TRAK1: variants seen among roughly 807,000 people sequenced by gnomAD.
The protein encoded by TRAK1 is trafficking kinesin protein 1, also known as trafficking kinesin-binding protein 1.
A neutral mutation model predicts 92.1 loss-of-function variants in TRAK1; 33 were observed. That is an observed-to-expected ratio of 0.36 (90% confidence interval 0.27 to 0.48). The LOEUF (loss-of-function observed/expected upper bound fraction) is 0.48, where lower values mean the gene tolerates loss of function less well. TRAK1 is among the 20% of genes least tolerant of loss of function. TRAK1 has a pLI of 0.99. For synonymous variants in TRAK1, 521 were observed against 517.3 expected, an observed-to-expected ratio of 1.01 and a Z score of -0.10; for missense variants, 1,123 against 1,257.9, an observed-to-expected ratio of 0.89 and a Z score of 1.62.
At chr3:42,019,300 GAT>G (rs1047546636) in intron 1 of TRAK1, among the ~76,000 whole-genome samples, 2 of 152,118 alleles carry the variant, frequency 1.3e-5, no homozygotes, top group African/African-American at 4.8e-5. Context: ...TTTTTTTAGA[GAT>G]AGAATCTCTG....
intron 1 of TRAK1, among the ~76,000 whole-genome samples, chr3:42,061,154 T>C (rs1272562474): frequency 3.3e-5 from 5 of 152,168 alleles, no homozygotes; most frequent in African/African-American, 1.2e-4. Flanking sequence ...TTACAAAAAG[T>C]GTGCAGAGTT....
At chr3:42,156,580 C>T (rs763387143) in intron 2 of TRAK1, among the ~76,000 whole-genome samples, 43 of 152,196 alleles carry the variant, frequency 2.8e-4, no homozygotes, top group Non-Finnish European at 5.1e-4. Flanking sequence ...AAATGAATGA[C>T]TAAATAACGG....
At chr3:42,204,930 C>T (rs1407652526) in intron 13 of TRAK1, among the ~76,000 whole-genome samples, 1 of 152,148 alleles carries the variant, frequency 6.6e-6, no homozygotes, top group African/African-American at 2.4e-5. Context: ...CCCTCCCCTC[C>T]ACAGTTATTT....
intron 7 of TRAK1, 56 bp downstream of exon 7, chr3:42,191,692 C>T: frequency 6.5e-7 from 1 of 1,541,196 alleles, no homozygotes; most frequent in South Asian, 1.2e-5. Context: ...CATGATTAGA[C>T]AGATTTGCGT....
chr3:42,118,952 T>G (rs1228172032), intron 1 of TRAK1, among the ~76,000 whole-genome samples: 18 of 152,158 alleles, frequency 1.2e-4, no homozygotes, highest in Non-Finnish European at 1.5e-5. Flanking sequence ...TGACACTAGA[T>G]GGCTCCACCT....
At chr3:42,217,077 TTA>T (rs1709786878) in intron 14 of TRAK1, among the ~76,000 whole-genome samples, 1 of 151,914 alleles carries the variant, frequency 6.6e-6, no homozygotes, top group East Asian at 1.9e-4. Flanking sequence ...GAAGGATGTT[TTA>T]TGTTTCTCTC....
intron 1 of TRAK1, among the ~76,000 whole-genome samples, chr3:42,121,473 A>G (rs551729024): frequency 2.6e-5 from 4 of 151,840 alleles, no homozygotes; most frequent in Admixed American, 6.6e-5. Flanking sequence ...GTTAGCCAGG[A>G]TGGTCTCGAT....
At chr3:42,159,721 A>AT (rs1194729418) in intron 2 of TRAK1, among the ~76,000 whole-genome samples, 4 of 152,114 alleles carry the variant, frequency 2.6e-5, no homozygotes, top group East Asian at 1.9e-4. Flanking sequence ...TGGTCACTGC[A>AT]TTTTTTTCCC....
In TRAK1 at chr3:42,200,821, C is replaced by A; in HGVS notation, c.1194C>A (p.His398Gln). The A allele has an allele frequency of 6.2e-7, 1 of 1,614,120 alleles. No homozygotes were observed. The highest frequency in any genetic ancestry group is 1.1e-5 in the South Asian group (1 of 91,074). The change falls in exon 12 of 16, where the codon CAC becomes CAA. Residue 398 changes from histidine to glutamine, a missense_variant. Around this residue, in one of 3 missense-constraint regions of TRAK1, gnomAD observed 686 missense variants for 747.6 expected, o/e 0.92. Transcript: ENST00000327628. ...LEEAESPDIT[H>Q]QKRVFETVRN... ...GGATGCCGTGCATTCTCCCTAGTCA[C>A]CAGAAGCGTGTCTTTGAGACAGTAA... is the stretch of plus-strand genomic sequence containing the variant.
intron 2 of TRAK1, among the ~76,000 whole-genome samples, chr3:42,149,986 G>A (rs1415619919): frequency 1.3e-5 from 2 of 152,148 alleles, no homozygotes; most frequent in African/African-American, 2.4e-5. Flanking sequence ...TAGGAAACTG[G>A]GGGCTTGGAA....
At chr3:42,064,177 G>A (rs866945890) in intron 1 of TRAK1, among the ~76,000 whole-genome samples, 9 of 152,166 alleles carry the variant, frequency 5.9e-5, no homozygotes, top group African/African-American at 1.7e-4. Flanking sequence ...GCGAATGCTC[G>A]CAGCCAGGCG....
intron 1 of TRAK1, among the ~76,000 whole-genome samples, chr3:42,069,005 G>A (rs1268289708): frequency 6.6e-6 from 1 of 152,142 alleles, no homozygotes; most frequent in East Asian, 1.9e-4. Flanking sequence ...TTGTGTCTGT[G>A]TAGTCATGGT....
Position 42,184,700 on chromosome 3 carries a change from G to C in TRAK1, c.379G>C (p.Glu127Gln). 6.2e-7 allele frequency: 1 copy of C among 1,614,144 alleles called. No individual in the cohort carries two copies. Among genetic ancestry groups the C allele is most frequent in the East Asian group, 2.2e-5 (1 of 44,884 alleles). The change falls in exon 4 of 16, where the codon GAA becomes CAA. Residue 127 changes from glutamate (E) to glutamine (Q), a missense_variant. This residue lies in a region of TRAK1 where 686 missense variants were observed against 747.6 expected (regional missense o/e 0.92). Coordinates refer to ENST00000327628, the MANE Select transcript of TRAK1 (RefSeq NM_001042646.3). ...CCTTTTGTAGAAAGAGCGGGATTTAGAATTGGCCGCTCGCATCGGCCAGTC... is the reference window on the plus strand; with the variant it reads ...CCTTTTGTAGAAAGAGCGGGATTTACAATTGGCCGCTCGCATCGGCCAGTC... Reference protein sequence around the residue: ...RLLEEKERDLELAARIGQSLL... With the variant: ...RLLEEKERDLQLAARIGQSLL...
At chr3:42,220,751 A>T (rs1710268665) in intron 15 of TRAK1, among the ~76,000 whole-genome samples, 1 of 152,104 alleles carries the variant, frequency 6.6e-6, no homozygotes, top group South Asian at 2.1e-4. Context: ...TAACCCAGCT[A>T]AACACCCCCA....
rs1227650636 is a variant in TRAK1, at chr3:42,188,153, A to G, written c.581+8A>G. On this transcript the variant is annotated splice_region_variant and intron_variant, in intron 5 of 15. Coordinates refer to ENST00000327628, the MANE Select transcript of TRAK1 (RefSeq NM_001042646.3). ...GTCCGTTTGCTCAACCCCGTAAGTC[A>G]CCAGAGGGCTGTATTTCTGGAGGCC... is the stretch of plus-strand genomic sequence containing the variant. 2 of 1,613,812 alleles carry G rather than the reference A, an allele frequency of 1.2e-6. No individual in the cohort carries two copies. The highest frequency in any genetic ancestry group is 8.5e-7 in the Non-Finnish European group (1 of 1,179,788).
chr3:42,183,553 T>TAAAAAAA (rs11293523), intron 3 of TRAK1, among the ~76,000 whole-genome samples: 5,351 of 116,716 alleles, frequency 0.046, 127 homozygotes, highest in Non-Finnish European at 0.062. Context: ...AGACTCTGTC[T>TAAAAAAA]AAAAAAAAAA....
intron 2 of TRAK1, among the ~76,000 whole-genome samples, chr3:42,136,906 C>T (rs1698031301): frequency 6.6e-6 from 1 of 152,154 alleles, no homozygotes; most frequent in Non-Finnish European, 1.5e-5. Context: ...TGGTCTCAAA[C>T]TCCTGACCTC....
At chr3:42,178,562 G>C (rs1167187041) in intron 3 of TRAK1, among the ~76,000 whole-genome samples, 3 of 152,170 alleles carry the variant, frequency 2.0e-5, no homozygotes, top group Non-Finnish European at 2.9e-5. Context: ...AGGCATAGGA[G>C]TCACCCCATA....
intron 1 of TRAK1, among the ~76,000 whole-genome samples, chr3:42,062,180 T>C (rs1041013990): frequency 2.0e-5 from 3 of 152,282 alleles, no homozygotes; most frequent in East Asian, 1.9e-4. Flanking sequence ...GTGGATGAAG[T>C]GGAATTTTCC....
Sources: gnomAD v4.1 joint callset for allele counts (sites outside exome capture counted in the v4.1 genomes callset) on GRCh38, gnomAD v4.1.1 for gene constraint, gnomAD v4.1.1 regional missense constraint, MANE v1.5 for transcripts, NCBI Gene and HGNC (gene_info 2026-07-23, HGNC 2026-07-21) for gene names.